SMURF2: variants seen among roughly 807,000 people sequenced by gnomAD.
SMURF2 encodes the protein E3 ubiquitin-protein ligase SMURF2.
Under a neutral mutation model 109.6 loss-of-function variants are expected in SMURF2, and 48 were observed. That is an observed-to-expected ratio of 0.44 (90% confidence interval 0.35 to 0.56). SMURF2 has a LOEUF of 0.56. Among genes scored for constraint, SMURF2 ranks in the 20% least tolerant of loss-of-function variants. The pLI, the probability that SMURF2 is intolerant of heterozygous loss-of-function variation, is 0.01. For synonymous variants in SMURF2, 288 were observed against 317.1 expected (o/e 0.91, Z 0.97); for missense variants, 575 against 909.0 (o/e 0.63, Z 4.72).
intron 10 of SMURF2, among the ~76,000 whole-genome samples, chr17:64,566,252 C>T (rs1369408698): frequency 1.3e-5 from 2 of 151,788 alleles, no homozygotes; most frequent in Non-Finnish European, 2.9e-5. Flanking sequence ...TTTAAAACTA[C>T]AATTTTAAGA....
At chr17:64,593,640 T>C in intron 3 of SMURF2, 67 bp from the exon 4 acceptor site, 1 of 1,387,816 alleles carries the variant, frequency 7.2e-7, no homozygotes, top group Non-Finnish European at 9.6e-7. Flanking sequence ...ATTTTTCTTT[T>C]GTTCTTTTTA....
chr17:64,606,183 A>G (rs190334766), intron 2 of SMURF2, among the ~76,000 whole-genome samples: 15 of 152,304 alleles, frequency 9.8e-5, no homozygotes, highest in African/African-American at 3.6e-4. Context: ...CACTCTGGAA[A>G]TTCCAAGCAG....
intron 5 of SMURF2, among the ~76,000 whole-genome samples, chr17:64,589,697 C>T (rs2144651345): frequency 6.6e-6 from 1 of 151,938 alleles, no homozygotes; most frequent in South Asian, 2.1e-4. Context: ...CTGTCACTGT[C>T]TCCCATCACC....
Position 64,547,485 on chromosome 17 carries a change from A to G in SMURF2, c.2071+115T>C. 1.2e-6 allele frequency: 1 copy of G among 827,016 alleles called. No individual in the cohort carries two copies. Among genetic ancestry groups the G allele is most frequent in the South Asian group, 1.6e-5 (1 of 62,364 alleles). The allele number at this position is 827,016 out of a possible 1,614,324, so 51.2% of individuals were successfully genotyped here. ...GTATCACAATGTGAGAGTCACAGAT[A>G]AGAAGTGAAAAAGAGAATCTCTAAG... On this transcript the variant is annotated intron_variant, in intron 17 of 18. Coordinates refer to ENST00000262435, the MANE Select transcript of SMURF2 (RefSeq NM_022739.4). This position sits in a 1 kb window ranked among gnomAD's most constrained non-coding sequence, Gnocchi z 4.2.
chr17:64,638,437 G>C (rs979875253), intron 1 of SMURF2, among the ~76,000 whole-genome samples: 1 of 152,288 alleles, frequency 6.6e-6, no homozygotes, highest in East Asian at 1.9e-4. Flanking sequence ...CTGACCTCAA[G>C]TGATCTGCCT....
intron 1 of SMURF2, among the ~76,000 whole-genome samples, chr17:64,615,179 G>A (rs1487950516): frequency 2.0e-5 from 3 of 151,936 alleles, no homozygotes; most frequent in South Asian, 2.1e-4. Flanking sequence ...CAACTACTTA[G>A]TATATCCTTG....
At chr17:64,578,641 A>C in intron 8 of SMURF2, 65 bp from the exon 9 acceptor site, 1 of 1,027,002 alleles carries the variant, frequency 9.7e-7, no homozygotes, top group Non-Finnish European at 1.5e-6. Context: ...ACAGTTATAT[A>C]CACTAAGATG....
chr17:64,558,194 G>A lies in SMURF2; in HGVS notation c.1317-472C>T, dbSNP rs988649820. ...ACAGGTGGTTCGCTTGTGCTCAGGA[G>A]TTTGTGACCAGCCTGGGCAACAAGG... On this transcript the variant is annotated intron_variant, in intron 12 of 18. Coordinates refer to ENST00000262435, the MANE Select transcript of SMURF2 (RefSeq NM_022739.4). 2.0e-5 allele frequency among the ~76,000 whole-genome samples: 3 copies of A among 152,176 alleles called. 1 individual carries two copies. The South Asian group carries it at 6.2e-4, about 32-fold the overall frequency.
chr17:64,592,649 G>A (rs1276404493), intron 4 of SMURF2, among the ~76,000 whole-genome samples: 2 of 151,872 alleles, frequency 1.3e-5, no homozygotes, highest in Admixed American at 1.3e-4. Flanking sequence ...GATGACTAAC[G>A]GTATTTTTTA....
chr17:64,629,072 T>G (rs1555691369), intron 1 of SMURF2, among the ~76,000 whole-genome samples: 1 of 152,150 alleles, frequency 6.6e-6, no homozygotes, highest in African/African-American at 2.4e-5. Context: ...TTTCTGAGTT[T>G]AGAAAACTTT....
intron 3 of SMURF2, among the ~76,000 whole-genome samples, chr17:64,595,465 T>C (rs1969804355): frequency 6.6e-6 from 1 of 152,208 alleles, no homozygotes; most frequent in Non-Finnish European, 1.5e-5. Context: ...GAGGGCTCTA[T>C]TAGCTTCTAT....
At chr17:64,637,626 C>A (rs183385758) in intron 1 of SMURF2, among the ~76,000 whole-genome samples, 2 of 151,962 alleles carry the variant, frequency 1.3e-5, no homozygotes, top group Non-Finnish European at 2.9e-5. Context: ...TGTAATAGTG[C>A]GATCTTGGCT....
At position 64,574,372 on chromosome 17, in the gene SMURF2, C is replaced by T. The variant is rs1335121529; in HGVS notation, c.858-2416G>A. ...GATCTGTATTTCAAGACTACAGTCA[C>T]TCAGTATGCAATATAACAAATAACA... On this transcript the variant is annotated intron_variant, in intron 9 of 18. Transcript: ENST00000262435. Among the ~76,000 whole-genome samples, 10 of 152,238 alleles carry T rather than the reference C, an allele frequency of 6.6e-5. No individual in the cohort carries two copies. The East Asian group carries it at 7.7e-4, about 12-fold the overall frequency.
chr17:64,598,495 G>GA lies in SMURF2; in HGVS notation c.92-6dup, dbSNP rs781788076. ...TAGCAAATGGATCAGGAAGTCCTGT[G>GA]AAAAAAGATTTTCTAAAATTAATAA... is the stretch of plus-strand genomic sequence containing the variant. On this transcript the variant is annotated splice_polypyrimidine_tract_variant and splice_region_variant and intron_variant, in intron 2 of 18. Coordinates refer to ENST00000262435, the MANE Select transcript of SMURF2 (RefSeq NM_022739.4). 1.4e-5 allele frequency: 22 copies of GA among 1,586,212 alleles called. No individual in the cohort carries two copies. The East Asian group carries it at 3.4e-4, about 24-fold the overall frequency.
chr17:64,545,716 TAAAA>T lies in SMURF2; in HGVS notation c.*128_*131del. The T allele has an allele frequency of 3.0e-4, 41 of 134,472 alleles. No homozygotes were observed. Among genetic ancestry groups the T allele is most frequent in the Middle Eastern group, 2.6e-3 (1 of 386 alleles). The allele number at this position is 134,472 out of a possible 1,614,324, so 8.3% of individuals were successfully genotyped here. A position where few individuals can be genotyped will look rare whatever the true frequency, so the allele number is the denominator to read the frequency against. ...TTTCCCCTCACAGTGTCCTAAAATGTAAAAAAAAAAAAAAAAAGGGGGGGGGGGG... is the reference window on the plus strand; with the variant it reads ...TTTCCCCTCACAGTGTCCTAAAATGTAAAAAAAAAAAAAGGGGGGGGGGGG... On this transcript the variant is annotated 3_prime_UTR_variant, in exon 19 of 19. Transcript: ENST00000262435.
intron 1 of SMURF2, among the ~76,000 whole-genome samples, chr17:64,629,485 C>CAG (rs1298967267): frequency 6.6e-6 from 1 of 152,174 alleles, no homozygotes; most frequent in Non-Finnish European, 1.5e-5. Flanking sequence ...CCCTGGACAA[C>CAG]AGAGAGAGAC....
intron 9 of SMURF2, among the ~76,000 whole-genome samples, chr17:64,574,188 TTCATG>T (rs1221871286): frequency 3.3e-5 from 5 of 152,198 alleles, no homozygotes; most frequent in African/African-American, 1.2e-4. Context: ...AGAATTTCAT[TTCATG>T]TCATTTTATT....
intron 1 of SMURF2, among the ~76,000 whole-genome samples, chr17:64,632,141 T>C (rs372296583): frequency 7.9e-5 from 12 of 152,202 alleles, no homozygotes; most frequent in African/African-American, 2.9e-4. Flanking sequence ...GTATTTTTAG[T>C]AGAGACGGGG....
intron 10 of SMURF2, among the ~76,000 whole-genome samples, chr17:64,570,959 T>C (rs1410711613): frequency 1.3e-5 from 2 of 152,060 alleles, no homozygotes; most frequent in Admixed American, 6.6e-5. Flanking sequence ...TTTAAAAAAA[T>C]TTTTTGAAGA....
Sources: allele counts gnomAD v4.1 joint callset (sites outside exome capture counted in the v4.1 genomes callset), GRCh38; gene constraint gnomAD v4.1.1; non-coding constraint Gnocchi (gnomAD v3.1); transcripts MANE v1.5; gene names NCBI Gene and HGNC (gene_info 2026-07-23, HGNC 2026-07-21).